RBM20: variants seen among roughly 807,000 people sequenced by gnomAD.
RBM20 encodes the protein RNA-binding protein 20.
Under a neutral mutation model 110.1 loss-of-function variants are expected in RBM20, and 51 were observed. The observed-to-expected ratio is 0.46, with a 90% confidence interval of 0.37 to 0.59. The LOEUF is 0.59. RBM20 is among the 20% of genes least tolerant of loss of function. The pLI is 0.00. For missense variants in RBM20, 1,512 were observed against 1,574.9 expected (o/e 0.96, Z 0.68); for synonymous variants, 589 against 618.2 (o/e 0.95, Z 0.70).
At chr10:110,722,338 C>T (rs1197146089) in intron 1 of RBM20, among the ~76,000 whole-genome samples, 2 of 151,898 alleles carry the variant, frequency 1.3e-5, no homozygotes, top group African/African-American at 2.4e-5. Context: ...CCCTCCCTCA[C>T]ACATGCACAA....
intron 13 of RBM20, 80 bp downstream of exon 13, chr10:110,831,262 C>A: frequency 6.8e-7 from 1 of 1,468,770 alleles, no homozygotes; most frequent in Non-Finnish European, 9.2e-7. Flanking sequence ...GCGTCCTTGG[C>A]CTTGCTTGCC....
chr10:110,683,205 C>G lies in RBM20; in HGVS notation c.191+38560C>G, dbSNP rs557404296. Among the ~76,000 whole-genome samples, 192 of 152,326 alleles carry G rather than the reference C, an allele frequency of 1.3e-3. 2 individuals are homozygous for G. Among genetic ancestry groups the G allele is most frequent in the African/African-American group, 4.5e-3 (188 of 41,582 alleles). On this transcript the variant is annotated intron_variant, in intron 1 of 13. Coordinates refer to ENST00000369519, the MANE Select transcript of RBM20 (RefSeq NM_001134363.3). ...TCTTGATTTCATAGTCAGCTTTATT[C>G]TAATTACAACTTTGTGGGCAGCCGG...
At chr10:110,822,349 G>C (rs1844924883) in intron 11 of RBM20, 2 of 445,572 alleles carry the variant, frequency 4.5e-6, no homozygotes, top group Non-Finnish European at 8.9e-6. Flanking sequence ...CAAGAAAGGA[G>C]TGGAAGGGGA....
intron 1 of RBM20, among the ~76,000 whole-genome samples, chr10:110,737,177 C>CAAAAAAAAAAAAAAAGAAAAA (rs1843679674): frequency 3.8e-5 from 1 of 26,620 alleles, no homozygotes; most frequent in Non-Finnish European, 7.0e-5. Context: ...AACTCTGCCT[C>CAAAAAAAAAAAAAAAGAAAAA]AAAAAAAAAA....
chr10:110,810,467 GGCCCCAA>G lies in RBM20; in HGVS notation c.1880+14_1880+20del. ...CATGTTCCGGGAAGCAGACAGGTGA[GGCCCCAA>G]GCCCCAAGTCTCCAGGCAGGTTCTG... On this transcript the variant is annotated splice_donor_region_variant and intron_variant, in intron 8 of 13. Transcript: ENST00000369519. 1 of 1,550,026 alleles carries G rather than the reference GGCCCCAA, an allele frequency of 6.5e-7. No homozygotes were observed.
At chr10:110,732,985 A>G (rs986719564) in intron 1 of RBM20, among the ~76,000 whole-genome samples, 5 of 152,080 alleles carry the variant, frequency 3.3e-5, no homozygotes, top group Non-Finnish European at 7.4e-5. Flanking sequence ...TTGTTCTTCT[A>G]TTTTCCATAT....
intron 1 of RBM20, among the ~76,000 whole-genome samples, chr10:110,645,970 C>T (rs188705228): frequency 3.7e-4 from 56 of 152,226 alleles, no homozygotes; most frequent in African/African-American, 1.3e-3. Flanking sequence ...AATTTATGTA[C>T]ATCAATACTT....
intron 1 of RBM20, among the ~76,000 whole-genome samples, chr10:110,671,703 C>T (rs897706661): frequency 6.6e-6 from 1 of 151,232 alleles, no homozygotes; most frequent in Non-Finnish European, 1.5e-5. Context: ...TTTTAAAAAA[C>T]TAATTTAATA....
chr10:110,794,007 G>A (rs928551235), intron 5 of RBM20, among the ~76,000 whole-genome samples: 2 of 152,196 alleles, frequency 1.3e-5, no homozygotes, highest in Admixed American at 1.3e-4. Context: ...TTGCTCAAGA[G>A]CACTCAGGAT....
chr10:110,800,770 A>C (rs746742067), intron 7 of RBM20, among the ~76,000 whole-genome samples: 4 of 152,146 alleles, frequency 2.6e-5, no homozygotes, highest in Non-Finnish European at 4.4e-5. Context: ...CTGTTTTTGA[A>C]CTTTATATAA....
At chr10:110,790,078 C>A (rs1199310929) in intron 5 of RBM20, among the ~76,000 whole-genome samples, 1 of 152,198 alleles carries the variant, frequency 6.6e-6, no homozygotes, top group African/African-American at 2.4e-5. Flanking sequence ...CTCGCCAAGA[C>A]CCTGCACATT....
chr10:110,818,459 G>A lies in RBM20; in HGVS notation c.2551-1613G>A, dbSNP rs1844869501. ...GTTCGGTAGCCCGGGCCCTGTGGTGGCAGAGCCCTGCTTGCAACAGTTGGC... is the reference window on the plus strand; with the variant it reads ...GTTCGGTAGCCCGGGCCCTGTGGTGACAGAGCCCTGCTTGCAACAGTTGGC... On this transcript the variant is annotated intron_variant, in intron 9 of 13. Coordinates refer to ENST00000369519, the MANE Select transcript of RBM20 (RefSeq NM_001134363.3). Among the ~76,000 whole-genome samples the A allele has an allele frequency of 2.5e-5, 3 of 122,158 alleles. 1 individual carries two copies. The South Asian group carries it at 9.4e-4, about 38-fold the overall frequency. The allele number at this position is 122,158 out of a possible 152,430, so 80.1% of individuals were successfully genotyped here. A position where few individuals can be genotyped will look rare whatever the true frequency, so the allele number is the denominator to read the frequency against.
At chr10:110,730,470 C>G (rs1391580180) in intron 1 of RBM20, among the ~76,000 whole-genome samples, 1 of 152,206 alleles carries the variant, frequency 6.6e-6, no homozygotes, top group African/African-American at 2.4e-5. Flanking sequence ...CGGCTTCAGT[C>G]CCGAGGACTC....
At chr10:110,694,867 A>G (rs1354237443) in intron 1 of RBM20, among the ~76,000 whole-genome samples, 1 of 152,156 alleles carries the variant, frequency 6.6e-6, no homozygotes, top group East Asian at 1.9e-4. Flanking sequence ...AAATTCAACA[A>G]TTTTGAATTT....
chr10:110,767,391 G>T (rs1475480950), intron 1 of RBM20, among the ~76,000 whole-genome samples: 1 of 136,950 alleles, frequency 7.3e-6, no homozygotes, highest in South Asian at 2.4e-4. Context: ...GGCGGGGGCT[G>T]ACCCCCACCT....
At chr10:110,760,885 A>G (rs1186680091) in intron 1 of RBM20, among the ~76,000 whole-genome samples, 1 of 151,122 alleles carries the variant, frequency 6.6e-6, no homozygotes, top group African/African-American at 2.4e-5. Context: ...TGAGGTCAGG[A>G]GTTTGAGACC....
In RBM20 at chr10:110,666,018, G is replaced by GAGAGGGGAA. The variant is rs1195192167; in HGVS notation, c.191+21373_191+21374insAGAGGGGAA. On this transcript the variant is annotated intron_variant, in intron 1 of 13. Transcript: ENST00000369519. ...GAAAGAGAGAGAGAGAGAGAGAGAG[G>GAGAGGGGAA]GGAAGGAAGGAAGGAAGGAAAGAAA... Among the ~76,000 whole-genome samples the GAGAGGGGAA allele has an allele frequency of 1.3e-3, 127 of 95,722 alleles. 1 individual carries two copies. Among genetic ancestry groups the GAGAGGGGAA allele is most frequent in the African/African-American group, 4.4e-3 (125 of 28,166 alleles). 62.8% of individuals were successfully genotyped at this position (95,722 alleles called of 152,430 possible). A position where few individuals can be genotyped will look rare whatever the true frequency, so the allele number is the denominator to read the frequency against.
chr10:110,771,785 G>A (rs896078961), intron 1 of RBM20, among the ~76,000 whole-genome samples: 2 of 152,198 alleles, frequency 1.3e-5, no homozygotes, highest in Non-Finnish European at 2.9e-5. Context: ...AGAGGGGCCA[G>A]TATATGCCAA....
chr10:110,648,138 A>C (rs1268125820), intron 1 of RBM20, among the ~76,000 whole-genome samples: 1 of 152,210 alleles, frequency 6.6e-6, no homozygotes, highest in African/African-American at 2.4e-5. Context: ...ACAATAGAAA[A>C]AGTTTTGGTT....
Sources: gnomAD v4.1 joint callset for allele counts (sites outside exome capture counted in the v4.1 genomes callset) on GRCh38, gnomAD v4.1.1 for gene constraint, MANE v1.5 for transcripts, NCBI Gene and HGNC (gene_info 2026-07-23, HGNC 2026-07-21) for gene names.